The following NKAIN2 variants were observed in gnomAD, a reference collection of about 807,000 sequenced individuals.
NKAIN2 encodes sodium/potassium-transporting ATPase subunit beta-1-interacting protein 2.
In NKAIN2, 14 loss-of-function variants were observed where a neutral mutation model predicts 32.6. That is an observed-to-expected ratio of 0.43 (90% CI 0.28 to 0.67). NKAIN2 has a LOEUF of 0.67. Ranked by LOEUF, NKAIN2 falls within the 30% of genes least tolerant of loss-of-function variation. NKAIN2 has a pLI of 0.17. For synonymous variants in NKAIN2, 80 were observed against 87.2 expected (o/e 0.92, Z 0.46); for missense variants, 198 against 258.3 (o/e 0.77, Z 1.60).
At chr6:124,577,733 A>G (rs1781383629) in intron 3 of NKAIN2, among the ~76,000 whole-genome samples, 1 of 151,690 alleles carries the variant, frequency 6.6e-6, no homozygotes, top group African/African-American at 2.4e-5. Flanking sequence ...TGGGGCAGCC[A>G]AGGGAGTACT....
intron 1 of NKAIN2, among the ~76,000 whole-genome samples, chr6:124,204,705 T>C (rs2114637224): frequency 6.6e-6 from 1 of 151,816 alleles, no homozygotes; most frequent in Admixed American, 6.6e-5. Context: ...TGTTCATGAT[T>C]AGATTGCTAG....
chr6:124,742,162 C>T (rs964003465), intron 4 of NKAIN2, among the ~76,000 whole-genome samples: 10 of 151,772 alleles, frequency 6.6e-5, no homozygotes, highest in African/African-American at 2.4e-4. Flanking sequence ...TAATTTTGCA[C>T]TATTTGACTG....
At chr6:124,523,809 A>G (rs999319510) in intron 3 of NKAIN2, among the ~76,000 whole-genome samples, 1 of 152,180 alleles carries the variant, frequency 6.6e-6, no homozygotes, top group Non-Finnish European at 1.5e-5. Context: ...TATCTCAATC[A>G]GAAGGTCTTC....
chr6:124,436,345 G>A (rs1291161030), intron 3 of NKAIN2, among the ~76,000 whole-genome samples: 1 of 152,124 alleles, frequency 6.6e-6, no homozygotes, highest in East Asian at 1.9e-4. Context: ...CCAGAAATGA[G>A]GACTTTTCCA....
chr6:124,339,835 G>C (rs1798046800), intron 2 of NKAIN2, among the ~76,000 whole-genome samples: 1 of 152,114 alleles, frequency 6.6e-6, no homozygotes, highest in African/African-American at 2.4e-5. Flanking sequence ...AAGGTCGGGG[G>C]AGGCCAGGAA....
chr6:124,595,790 A>G (rs1172059556), intron 3 of NKAIN2, among the ~76,000 whole-genome samples: 1 of 152,204 alleles, frequency 6.6e-6, no homozygotes, highest in Non-Finnish European at 1.5e-5. Context: ...CAGCGATTAC[A>G]GCAGAGACAG....
chr6:123,998,074 A>C (rs545203615), intron 1 of NKAIN2, among the ~76,000 whole-genome samples: 1 of 152,258 alleles, frequency 6.6e-6, no homozygotes, highest in Middle Eastern at 3.4e-3. Context: ...CCTTATGCTA[A>C]TTAGAACTAT....
intron 1 of NKAIN2, among the ~76,000 whole-genome samples, chr6:124,008,846 T>A (rs1780193768): frequency 6.6e-6 from 1 of 152,144 alleles, no homozygotes; most frequent in South Asian, 2.1e-4. Context: ...GACAGTAGCA[T>A]AGTTTTTCCT....
At chr6:124,278,699 A>G (rs1408790770) in intron 1 of NKAIN2, among the ~76,000 whole-genome samples, 1 of 131,422 alleles carries the variant, frequency 7.6e-6, no homozygotes, top group African/African-American at 2.7e-5. Context: ...ATGCTATTAT[A>G]TGAGCTGGAA....
chr6:124,574,629 A>C (rs1198548900), intron 3 of NKAIN2, among the ~76,000 whole-genome samples: 1 of 152,178 alleles, frequency 6.6e-6, no homozygotes, highest in East Asian at 1.9e-4. Flanking sequence ...AAAATAAAAA[A>C]CAAAAACAAC....
chr6:124,405,755 C>G (rs149794783), intron 3 of NKAIN2, among the ~76,000 whole-genome samples: 11 of 151,846 alleles, frequency 7.2e-5, no homozygotes, highest in Middle Eastern at 3.4e-3. Context: ...TGATATCCCC[C>G]CAAAATATTG....
At chr6:124,457,741 A>T (rs1776378182) in intron 3 of NKAIN2, among the ~76,000 whole-genome samples, 1 of 151,930 alleles carries the variant, frequency 6.6e-6, no homozygotes, top group African/African-American at 2.4e-5. Context: ...ATACTCACGT[A>T]TTCATTCAAA....
intron 1 of NKAIN2, among the ~76,000 whole-genome samples, chr6:123,886,712 A>T (rs918220203): frequency 6.6e-5 from 10 of 152,154 alleles, no homozygotes; most frequent in Non-Finnish European, 1.5e-4. Flanking sequence ...AAAGTAGCCA[A>T]TCAATTTAAT....
chr6:124,169,552 C>A (rs769552620), intron 1 of NKAIN2, among the ~76,000 whole-genome samples: 3 of 152,098 alleles, frequency 2.0e-5, no homozygotes, highest in Non-Finnish European at 4.4e-5. Context: ...AAGATAAGTT[C>A]ACTGACTTAC....
intron 2 of NKAIN2, among the ~76,000 whole-genome samples, chr6:124,350,359 CA>C (rs761968807): frequency 3.3e-5 from 5 of 151,694 alleles, no homozygotes; most frequent in Admixed American, 1.3e-4. Context: ...GGCAACTAGG[CA>C]AAATCCAATT....
intron 2 of NKAIN2, among the ~76,000 whole-genome samples, chr6:124,311,544 T>G (rs1796717334): frequency 6.6e-6 from 1 of 152,134 alleles, no homozygotes; most frequent in Admixed American, 6.6e-5. Flanking sequence ...AAATTTCAAA[T>G]AAGTCAGTTT....
intron 3 of NKAIN2, among the ~76,000 whole-genome samples, chr6:124,388,627 T>TTTAC (rs61273329): frequency 0.072 from 10,874 of 152,066 alleles, 658 homozygotes; most frequent in African/African-American, 0.17. Context: ...TATTTTCAAA[T>TTTAC]TTACTTAATA....
At chr6:124,616,824 A>G (rs1345408539) in intron 3 of NKAIN2, among the ~76,000 whole-genome samples, 1 of 151,838 alleles carries the variant, frequency 6.6e-6, no homozygotes, top group African/African-American at 2.4e-5. Context: ...CTTGCTTGCC[A>G]TCCCGCATAG....
At chr6:124,094,648 C>T (rs1049800371) in intron 1 of NKAIN2, among the ~76,000 whole-genome samples, 4 of 152,072 alleles carry the variant, frequency 2.6e-5, no homozygotes, top group African/African-American at 7.2e-5. Context: ...TTATGTTTTT[C>T]GTTGCTCTGT....
Sources: gnomAD v4.1 joint callset for allele counts (sites outside exome capture counted in the v4.1 genomes callset) on GRCh38, gnomAD v4.1.1 for gene constraint, MANE v1.5 for transcripts, NCBI Gene and HGNC (gene_info 2026-07-23, HGNC 2026-07-21) for gene names.